The following CDH4 variants were observed in gnomAD, a reference collection of about 807,000 sequenced individuals.
CDH4 encodes the protein cadherin-4.
CDH4 carries 33 observed loss-of-function variants against 86.0 expected under a neutral mutation model. That is an observed-to-expected ratio of 0.38 (90% CI 0.29 to 0.51). The LOEUF is 0.51. CDH4 is among the 20% of genes least tolerant of loss of function. The probability of loss-of-function intolerance (pLI) is 0.86; values close to 1 mark genes in which losing one functional copy is unlikely to be tolerated. For synonymous variants in CDH4, 555 were observed against 549.4 expected, an observed-to-expected ratio of 1.01 and a Z score of -0.14; for missense variants, 1,114 against 1,307.4, an observed-to-expected ratio of 0.85 and a Z score of 2.28.
intron 2 of CDH4, among the ~76,000 whole-genome samples, chr20:61,290,695 C>T (rs73314970): frequency 0.092 from 13,969 of 152,188 alleles, 707 homozygotes; most frequent in African/African-American, 0.11. Flanking sequence ...TGAAGACAGC[C>T]CCAATTTCTG....
At chr20:61,796,029 CCCTGGTGGAA>C (rs375294844) in intron 4 of CDH4, among the ~76,000 whole-genome samples, 38 of 152,154 alleles carry the variant, frequency 2.5e-4, no homozygotes, top group African/African-American at 8.7e-4. Flanking sequence ...GCAAGCTGGA[CCCTGGTGGAA>C]GGCAAGGGCA....
rs565060854 is a variant in CDH4 at position 61,296,349 on chromosome 20, G to A, written c.169+41412G>A. On this transcript the variant is annotated intron_variant, in intron 2 of 15. Transcript: ENST00000614565. ...CGTGTGTGTGTGTGTGTGAGAGAGA[G>A]ATCGATCTACTACCTGCCTGACTCT... Among the ~76,000 whole-genome samples, 3 of 151,934 alleles carry A rather than the reference G, an allele frequency of 2.0e-5. No individual in the cohort carries two copies. In the East Asian group the frequency reaches 5.8e-4, roughly 29 times the overall value.
Position 61,653,568 on chromosome 20 carries a change from A to ACC in CDH4, c.170-89991_170-89990dup, listed in dbSNP as rs1408181310. Among the ~76,000 whole-genome samples the ACC allele has an allele frequency of 4.0e-4, 51 of 126,780 alleles. 1 individual carries two copies. Among genetic ancestry groups the ACC allele is most frequent in the Middle Eastern group, 4.3e-3 (1 of 234 alleles). 83.2% of individuals were successfully genotyped at this position (126,780 alleles called of 152,430 possible). ...GGGGTGGCTGGCCAGGCGGGGGCTGACCCCCACCTCCCTCCCGGACGGGGT... is the reference window on the plus strand; with the variant it reads ...GGGGTGGCTGGCCAGGCGGGGGCTGACCCCCCCACCTCCCTCCCGGACGGGGT... On this transcript the variant is annotated intron_variant, in intron 2 of 15. Coordinates refer to ENST00000614565, the MANE Select transcript of CDH4 (RefSeq NM_001794.5).
At chr20:61,666,313 C>T (rs1451818559) in intron 2 of CDH4, among the ~76,000 whole-genome samples, 1 of 152,194 alleles carries the variant, frequency 6.6e-6, no homozygotes, top group Admixed American at 6.5e-5. Context: ...TGTAGACGAA[C>T]TTGAAATTCA....
intron 2 of CDH4, among the ~76,000 whole-genome samples, chr20:61,357,107 A>G (rs2084754525): frequency 6.6e-6 from 1 of 152,194 alleles, no homozygotes; most frequent in Non-Finnish European, 1.5e-5. Context: ...CGCCCAGGCT[A>G]GAAGCATGGC....
rs572146412 is a variant in CDH4, at chr20:61,310,991, G to A, written c.169+56054G>A. Among the ~76,000 whole-genome samples the A allele has an allele frequency of 9.9e-5, 15 of 152,130 alleles. 1 individual carries two copies. ...AAAATAGGAATTTGACGGGGACACA[G>A]GTCAGCCCTAACGCTTCCCAAGGTG... is the stretch of plus-strand genomic sequence containing the variant. On this transcript the variant is annotated intron_variant, in intron 2 of 15. Coordinates refer to ENST00000614565, the MANE Select transcript of CDH4 (RefSeq NM_001794.5).
intron 2 of CDH4, among the ~76,000 whole-genome samples, chr20:61,386,276 G>A (rs6061629): frequency 0.27 from 41,613 of 151,948 alleles, 6,579 homozygotes; most frequent in African/African-American, 0.44. Context: ...AAAACCTCTC[G>A]GTCTCCTCCA....
chr20:61,866,779 G>C (rs996283447), intron 6 of CDH4, among the ~76,000 whole-genome samples: 6 of 152,210 alleles, frequency 3.9e-5, no homozygotes, highest in African/African-American at 1.4e-4. Context: ...ATCCAGAAAA[G>C]AATTCTCAAA....
intron 2 of CDH4, among the ~76,000 whole-genome samples, chr20:61,487,196 G>A (rs2085601504): frequency 6.6e-6 from 1 of 152,196 alleles, no homozygotes. Flanking sequence ...TTGTGAAAAA[G>A]ATAATGCTTT....
chr20:61,758,484 G>A (rs2088592614), intron 3 of CDH4, among the ~76,000 whole-genome samples: 1 of 152,158 alleles, frequency 6.6e-6, no homozygotes, highest in Admixed American at 6.5e-5. Flanking sequence ...GGCTTTCCCA[G>A]AATTGCCACG....
intron 2 of CDH4, among the ~76,000 whole-genome samples, chr20:61,606,209 T>C (rs1600801815): frequency 1.3e-5 from 2 of 152,020 alleles, no homozygotes; most frequent in African/African-American, 4.8e-5. Context: ...GGATAGAAGG[T>C]GGCCAAGCAG....
chr20:61,524,782 C>A (rs1244117775), intron 2 of CDH4, among the ~76,000 whole-genome samples: 1 of 152,170 alleles, frequency 6.6e-6, no homozygotes, highest in Non-Finnish European at 1.5e-5. Context: ...CACACCTGAC[C>A]AACTGTTTCA....
At chr20:61,863,549 A>G (rs1983420028) in intron 6 of CDH4, among the ~76,000 whole-genome samples, 2 of 152,298 alleles carry the variant, frequency 1.3e-5, no homozygotes, top group South Asian at 2.1e-4. Flanking sequence ...GCCCAGTTTC[A>G]GGATTTACAG....
chr20:61,718,550 C>A, intron 2 of CDH4: 1 of 336,026 alleles, frequency 3.0e-6, no homozygotes. Flanking sequence ...AACAGGCCAA[C>A]CTCGATCACA....
At chr20:61,933,291 A>C (rs1197311554) in intron 14 of CDH4, among the ~76,000 whole-genome samples, 167 bp downstream of exon 14, 1 of 152,196 alleles carries the variant, frequency 6.6e-6, no homozygotes, top group South Asian at 2.1e-4. Flanking sequence ...TGAGCTGTGT[A>C]CACTGCACCT....
intron 8 of CDH4, among the ~76,000 whole-genome samples, chr20:61,908,971 G>A (rs2054821356): frequency 6.6e-6 from 1 of 152,250 alleles, no homozygotes; most frequent in Non-Finnish European, 1.5e-5. Flanking sequence ...TGTGAAGGTG[G>A]CCTGGGTAAT....
chr20:61,331,637 A>G (rs935301001), intron 2 of CDH4, among the ~76,000 whole-genome samples: 326 of 6,590 alleles, frequency 0.049, 1 homozygote, highest in Non-Finnish European at 0.055. Context: ...CCTGCCCCAG[A>G]CCCACCTCCC....
At chr20:61,596,150 G>T (rs947670435) in intron 2 of CDH4, among the ~76,000 whole-genome samples, 1 of 152,240 alleles carries the variant, frequency 6.6e-6, no homozygotes, top group African/African-American at 2.4e-5. Flanking sequence ...ATGGCATTCA[G>T]TGCTGGGATA....
chr20:61,764,571 G>A (rs959721105), intron 3 of CDH4, among the ~76,000 whole-genome samples: 16 of 152,052 alleles, frequency 1.1e-4, no homozygotes, highest in Non-Finnish European at 1.2e-4. Flanking sequence ...CACCTTCCGC[G>A]CAGGGCCCCC....
Sources: gnomAD v4.1 joint callset for allele counts (sites outside exome capture counted in the v4.1 genomes callset) on GRCh38, gnomAD v4.1.1 for gene constraint, MANE v1.5 for transcripts, NCBI Gene and HGNC (gene_info 2026-07-23, HGNC 2026-07-21) for gene names.